Variants in TPCN1 observed in about 807,000 individuals in gnomAD.
TPCN1 encodes the protein two pore segment channel 1.
Under a neutral mutation model 108.8 loss-of-function variants are expected in TPCN1, and 52 were observed. The ratio of observed to expected loss-of-function variants is 0.48; its 90% CI spans 0.38 to 0.60. The LOEUF is 0.60. Among genes scored for constraint, TPCN1 ranks in the 20% least tolerant of loss-of-function variants. The probability of loss-of-function intolerance (pLI) is 0.00; values close to 1 mark genes in which losing one functional copy is unlikely to be tolerated. For missense variants in TPCN1, 806 were observed against 1,072.8 expected (o/e 0.75, Z 3.47); for synonymous variants, 446 against 433.7 (o/e 1.03, Z -0.35).
chr12:113,241,353 T>TGCA (rs76191848), intron 2 of TPCN1, among the ~76,000 whole-genome samples: 2 of 152,008 alleles, frequency 1.3e-5, no homozygotes, highest in Admixed American at 1.3e-4. Flanking sequence ...CAAAGCCACC[T>TGCA]GCAGCAGCAG....
At chr12:113,241,251 C>T (rs1488222064) in intron 2 of TPCN1, among the ~76,000 whole-genome samples, 1 of 152,262 alleles carries the variant, frequency 6.6e-6, no homozygotes, top group Non-Finnish European at 1.5e-5. Flanking sequence ...ATCAAGCTCT[C>T]TGTGGGATGT....
chr12:113,265,674 G>T (rs1442764145), intron 3 of TPCN1, among the ~76,000 whole-genome samples: 2 of 151,798 alleles, frequency 1.3e-5, no homozygotes. Flanking sequence ...AGCCTCCCAA[G>T]TGGCTGGCAC....
At position 113,288,097 on chromosome 12, in the gene TPCN1, T is replaced by C; in HGVS notation, c.1635-66T>C. 2.7e-6 allele frequency: 4 copies of C among 1,474,846 alleles called. No homozygotes were observed. The highest frequency in any genetic ancestry group is 2.8e-6 in the Non-Finnish European group (3 of 1,071,324). 91.4% of individuals were successfully genotyped at this position (1,474,846 alleles called of 1,614,324 possible). On this transcript the variant is annotated intron_variant, in intron 19 of 27. Transcript: ENST00000335509. This position sits in a 1 kb window ranked among gnomAD's most constrained non-coding sequence, Gnocchi z 4.8. Reference sequence around the variant, plus strand: ...TGGCGTGTGGAAGGCGGGGCCGGCATGTTCTGAGGGCGGGGGCTGAGGCGT... The same window carrying C: ...TGGCGTGTGGAAGGCGGGGCCGGCACGTTCTGAGGGCGGGGGCTGAGGCGT...
intron 3 of TPCN1, among the ~76,000 whole-genome samples, chr12:113,265,891 A>T (rs1029000412): frequency 4.6e-5 from 7 of 151,858 alleles, no homozygotes; most frequent in Non-Finnish European, 8.8e-5. Flanking sequence ...TGGCCTCCGG[A>T]GTAGCTGGGA....
chr12:113,286,656 T>C (rs1956093025), intron 18 of TPCN1, among the ~76,000 whole-genome samples: 1 of 152,184 alleles, frequency 6.6e-6, no homozygotes, highest in South Asian at 2.1e-4. Flanking sequence ...GAGGCCTGTC[T>C]CCAGGGCTGC....
chr12:113,253,552 C>T (rs986617612), intron 2 of TPCN1, among the ~76,000 whole-genome samples: 1 of 152,180 alleles, frequency 6.6e-6, no homozygotes, highest in Non-Finnish European at 1.5e-5. Flanking sequence ...GTTGGTGCTA[C>T]CCCTTGGCTG....
At chr12:113,253,770 A>T (rs1174958885) in intron 2 of TPCN1, among the ~76,000 whole-genome samples, 1 of 152,258 alleles carries the variant, frequency 6.6e-6, no homozygotes, top group Non-Finnish European at 1.5e-5. Context: ...CAAGAGGAAG[A>T]AACACAGCTT....
chr12:113,292,926 C>A lies in TPCN1; in HGVS notation c.2114-8C>A. On this transcript the variant is annotated splice_polypyrimidine_tract_variant and splice_region_variant and intron_variant, in intron 25 of 27. Coordinates refer to ENST00000335509, the MANE Select transcript of TPCN1 (RefSeq NM_017901.6). ...GGCCCTTCCCACACCTGCCTTCCAT[C>A]CCTGCAGTTGATGGTGGCATCACCC... The A allele has an allele frequency of 6.2e-7, 1 of 1,609,912 alleles. No individual in the cohort carries two copies. The highest frequency in any genetic ancestry group is 8.5e-7 in the Non-Finnish European group (1 of 1,178,576).
chr12:113,262,428 G>C (rs979566933), intron 3 of TPCN1, among the ~76,000 whole-genome samples: 4 of 146,304 alleles, frequency 2.7e-5, no homozygotes, highest in Admixed American at 2.7e-4. Context: ...AAAAAAAAAA[G>C]ATTTAATGAA....
At position 113,268,918 on chromosome 12, in the gene TPCN1, C is replaced by T. The variant is rs1488799080; in HGVS notation, c.659+46C>T. The T allele has an allele frequency of 6.2e-7, 1 of 1,610,488 alleles. No individual in the cohort carries two copies. The highest frequency in any genetic ancestry group is 2.2e-5 in the East Asian group (1 of 44,770). ...TGGGCAGTCACTATCCTGGCATGGCCTGACCTCTGGGCCAGTGGGGCAGGA... is the reference window on the plus strand; with the variant it reads ...TGGGCAGTCACTATCCTGGCATGGCTTGACCTCTGGGCCAGTGGGGCAGGA... On this transcript the variant is annotated intron_variant, in intron 6 of 27. Transcript: ENST00000335509. This position sits in a 1 kb window ranked among gnomAD's most constrained non-coding sequence, Gnocchi z 7.3.
At chr12:113,236,917 T>G (rs1953920827) in intron 2 of TPCN1, among the ~76,000 whole-genome samples, 1 of 152,224 alleles carries the variant, frequency 6.6e-6, no homozygotes, top group Non-Finnish European at 1.5e-5. Flanking sequence ...GTGCCTGGCT[T>G]ATACAGAATG....
chr12:113,240,592 A>G (rs186087398), intron 2 of TPCN1, among the ~76,000 whole-genome samples: 1 of 152,296 alleles, frequency 6.6e-6, no homozygotes, highest in Non-Finnish European at 1.5e-5. Context: ...CTCCGTTCTC[A>G]CATTCTTCCG....
In TPCN1 at chr12:113,268,844, G is replaced by A; in HGVS notation, c.631G>A (p.Asp211Asn). ...AGCACTGCGCTGCATTTTCCTGGTG[G>A]ACTGTCGGTATTGCGGTGGCGTCCG... ...TRALRCIFLV[D>N]CRYCGGVRRN... The change falls in exon 6 of 28, where the codon GAC (aspartate) becomes AAC (asparagine). Residue 211 changes from aspartate to asparagine, a missense_variant. Physicochemically the swap from Asp to Asn is conservative, Grantham distance 23. Transcript: ENST00000335509. This position sits in a 1 kb window ranked among gnomAD's most constrained non-coding sequence, Gnocchi z 7.3. The A allele has an allele frequency of 6.2e-7, 1 of 1,614,100 alleles. No individual in the cohort carries two copies. The highest frequency in any genetic ancestry group is 8.5e-7 in the Non-Finnish European group (1 of 1,180,022).
intron 3 of TPCN1, among the ~76,000 whole-genome samples, chr12:113,261,991 C>G (rs914071121): frequency 6.6e-6 from 1 of 152,154 alleles, no homozygotes; most frequent in Admixed American, 6.6e-5. Flanking sequence ...AGTATTTCCT[C>G]TTTACTGAGG....
chr12:113,286,527 A>G (rs1296033645), intron 18 of TPCN1, among the ~76,000 whole-genome samples: 1 of 129,572 alleles, frequency 7.7e-6, no homozygotes, highest in Non-Finnish European at 1.7e-5. Context: ...GGCTTGGGGC[A>G]GGGCGAGCTG....
In TPCN1 at chr12:113,259,416, A is replaced by G. The variant is rs1954942252; in HGVS notation, c.113-952A>G. ...TACTGTGTGTAAACTACTGAATTTCAGGATTATTGTGACAAACCCAACTCA... is the reference window on the plus strand; with the variant it reads ...TACTGTGTGTAAACTACTGAATTTCGGGATTATTGTGACAAACCCAACTCA... On this transcript the variant is annotated intron_variant, in intron 2 of 27. Coordinates refer to ENST00000335509, the MANE Select transcript of TPCN1 (RefSeq NM_017901.6). 2.0e-5 allele frequency among the ~76,000 whole-genome samples: 3 copies of G among 152,188 alleles called. 1 individual carries two copies. In the South Asian group the frequency reaches 6.2e-4, roughly 32 times the overall value.
chr12:113,279,639 C>T (rs1010851146), intron 14 of TPCN1, among the ~76,000 whole-genome samples: 4 of 151,408 alleles, frequency 2.6e-5, no homozygotes, highest in East Asian at 1.9e-4. Context: ...CTCCTGACCT[C>T]GTGATCCACC....
chr12:113,288,812 G>A lies in TPCN1; in HGVS notation c.1761G>A (p.Glu587=). 1 of 1,613,624 alleles carries A rather than the reference G, an allele frequency of 6.2e-7. No homozygotes were observed. Among genetic ancestry groups the A allele is most frequent in the South Asian group, 1.1e-5 (1 of 91,080 alleles). Residue 587 remains glutamate (E), a synonymous_variant, in exon 21 of 28, where the codon GAG becomes GAA. Coordinates refer to ENST00000335509, the MANE Select transcript of TPCN1 (RefSeq NM_017901.6). The surrounding 1 kb of genome is among the most constrained non-coding windows in gnomAD (Gnocchi z 4.8). ...FYYSFAIVGM[E]FFCGIVFPNC... ...ACTCCTTCGCCATCGTGGGCATGGA[G>A]TTCTTCTGCGGGATCGTCTTCCCCA...
intron 2 of TPCN1, among the ~76,000 whole-genome samples, chr12:113,247,798 C>T (rs915465934): frequency 7.5e-4 from 114 of 152,348 alleles, no homozygotes; most frequent in African/African-American, 2.6e-3. Flanking sequence ...CTTGAAAAGT[C>T]CCTGAGTGGC....
Sources: gnomAD v4.1 joint callset for allele counts (sites outside exome capture counted in the v4.1 genomes callset) on GRCh38, gnomAD v4.1.1 for gene constraint, Gnocchi (gnomAD v3.1) non-coding constraint, MANE v1.5 for transcripts, NCBI Gene and HGNC (gene_info 2026-07-23, HGNC 2026-07-21) for gene names.